GRAMD1B: variants seen among roughly 807,000 people sequenced by gnomAD.
The protein encoded by GRAMD1B is GRAM domain containing 1B, also known as protein Aster-B.
Under a neutral mutation model 99.7 loss-of-function variants are expected in GRAMD1B, and 37 were observed. The ratio of observed to expected loss-of-function variants is 0.37; its 90% CI spans 0.29 to 0.49. The LOEUF is 0.49. Ranked by LOEUF, GRAMD1B falls within the 20% of genes least tolerant of loss-of-function variation. GRAMD1B has a pLI of 0.98. For missense variants in GRAMD1B, 888 were observed against 1,009.2 expected, an observed-to-expected ratio of 0.88 and a Z score of 1.63; for synonymous variants, 427 against 387.6, an observed-to-expected ratio of 1.10 and a Z score of -1.19.
At chr11:123,441,779 G>C (rs559528956) in intron 1 of GRAMD1B, among the ~76,000 whole-genome samples, 21 of 151,340 alleles carry the variant, frequency 1.4e-4, no homozygotes, top group Admixed American at 9.2e-4. Context: ...CTGGGCAACA[G>C]AGTGAGACCC....
chr11:123,532,721 G>A (rs552856562), intron 2 of GRAMD1B, among the ~76,000 whole-genome samples: 110 of 152,252 alleles, frequency 7.2e-4, no homozygotes, highest in African/African-American at 2.5e-3. Flanking sequence ...TTTTTAAATG[G>A]TTGAAGAAAT....
chr11:123,551,252 C>T (rs939592962), intron 2 of GRAMD1B, among the ~76,000 whole-genome samples: 9 of 152,198 alleles, frequency 5.9e-5, no homozygotes, highest in African/African-American at 1.9e-4. Context: ...TTTTTTTGGG[C>T]GAGGCTGCTT....
intron 2 of GRAMD1B, among the ~76,000 whole-genome samples, chr11:123,521,909 C>T (rs539333967): frequency 2.6e-5 from 4 of 152,268 alleles, no homozygotes; most frequent in African/African-American, 7.2e-5. Context: ...AAATTTTTGA[C>T]GTTTAAATAT....
chr11:123,570,688 T>C (rs1477393707), intron 2 of GRAMD1B, among the ~76,000 whole-genome samples: 1 of 152,146 alleles, frequency 6.6e-6, no homozygotes, highest in African/African-American at 2.4e-5. Context: ...CCTCCCAAAA[T>C]TCTGGGATTA....
intron 2 of GRAMD1B, among the ~76,000 whole-genome samples, chr11:123,518,712 T>TGG (rs1238594477): frequency 1.3e-5 from 2 of 152,172 alleles, no homozygotes; most frequent in Non-Finnish European, 2.9e-5. Context: ...TAAGAATCAC[T>TGG]GGGCATGAGG....
chr11:123,380,253 A>T (rs1946828145), intron 1 of GRAMD1B, among the ~76,000 whole-genome samples: 1 of 152,190 alleles, frequency 6.6e-6, no homozygotes, highest in Admixed American at 6.5e-5. Context: ...TGCCTAATCC[A>T]AGGTTACAAA....
rs563243281 is a variant in GRAMD1B, at chr11:123,595,418, C to T, written c.874-524C>T. ...AAGCGATTCTCCTGCCTCAGCCTCC[C>T]GAGTAGCTGGGATTACAGGCATGCG... On this transcript the variant is annotated intron_variant, in intron 6 of 19. Coordinates refer to ENST00000635736, the MANE Select transcript of GRAMD1B (RefSeq NM_001387025.1). Among the ~76,000 whole-genome samples the T allele has an allele frequency of 2.0e-4, 30 of 152,142 alleles. No homozygotes were observed. In the East Asian group the frequency reaches 4.6e-3, roughly 23 times the overall value.
chr11:123,379,190 A>T lies in GRAMD1B; in HGVS notation c.-176+20391A>T, dbSNP rs533269762. ...CATAGGTTAGAAGGGAGAGAAGAAA[A>T]GAACCACAGATTCACAGTCTCTCTG... On this transcript the variant is annotated intron_variant, in intron 1 of 20. Transcript: ENST00000638157. Among the ~76,000 whole-genome samples, 12 of 152,352 alleles carry T rather than the reference A, an allele frequency of 7.9e-5. No homozygotes were observed. In the South Asian group the frequency reaches 2.3e-3, roughly 29 times the overall value.
intron 1 of GRAMD1B, chr11:123,435,726 T>A: frequency 2.7e-6 from 1 of 376,206 alleles, no homozygotes; most frequent in Non-Finnish European, 4.8e-6. Flanking sequence ...TAAAGTGAAA[T>A]TCTTTTATTC....
intron 2 of GRAMD1B, among the ~76,000 whole-genome samples, chr11:123,522,950 A>G (rs756177635): frequency 6.6e-6 from 1 of 152,246 alleles, no homozygotes; most frequent in Admixed American, 6.5e-5. Context: ...TACATAGTGA[A>G]TAAGAGAATA....
At chr11:123,556,222 G>A (rs954913949) in intron 2 of GRAMD1B, among the ~76,000 whole-genome samples, 12 of 152,152 alleles carry the variant, frequency 7.9e-5, no homozygotes, top group African/African-American at 2.9e-4. Flanking sequence ...AATGAGATTC[G>A]CTTTTGCCTA....
intron 1 of GRAMD1B, among the ~76,000 whole-genome samples, chr11:123,479,622 T>A (rs1427356278): frequency 6.6e-6 from 1 of 152,174 alleles, no homozygotes; most frequent in Admixed American, 6.5e-5. Context: ...AGAACCTATG[T>A]AAAACAGGGG....
chr11:123,590,034 T>C (rs1044275669), intron 4 of GRAMD1B, among the ~76,000 whole-genome samples: 9 of 152,208 alleles, frequency 5.9e-5, no homozygotes, highest in African/African-American at 2.2e-4. Flanking sequence ...GAGGCTTTCT[T>C]GCCCCATTGG....
At chr11:123,621,035 T>A (rs1955067514) in intron 19 of GRAMD1B, among the ~76,000 whole-genome samples, 1 of 152,206 alleles carries the variant, frequency 6.6e-6, no homozygotes, top group Non-Finnish European at 1.5e-5. Flanking sequence ...GGCTGTCAGA[T>A]TTATAGCCTA....
chr11:123,549,679 C>T (rs547946251), intron 2 of GRAMD1B, among the ~76,000 whole-genome samples: 18 of 152,296 alleles, frequency 1.2e-4, no homozygotes, highest in Middle Eastern at 3.4e-3. Flanking sequence ...TCCATGGTCA[C>T]GCAGCAGTGT....
Position 123,470,692 on chromosome 11 carries a change from C to T in GRAMD1B, c.375-10124C>T, listed in dbSNP as rs1194807954. On this transcript the variant is annotated intron_variant, in intron 1 of 19. Transcript: ENST00000635736. ...CAAAAAGTAAACTAGGAAGGGCTAC[C>T]ACGTTAAGTGCTGGATATTAATTAA... 2.6e-5 allele frequency among the ~76,000 whole-genome samples: 4 copies of T among 151,988 alleles called. No individual in the cohort carries two copies. The East Asian group carries it at 7.7e-4, about 29-fold the overall frequency.
At chr11:123,603,401 C>T (rs776236753) in intron 8 of GRAMD1B, 25 bp from the exon 9 acceptor site, 18 of 1,396,044 alleles carry the variant, frequency 1.3e-5, no homozygotes, top group South Asian at 2.3e-5. Flanking sequence ...GAGCAAGGCT[C>T]AGTCGTTCCT....
rs185215006 is a variant in GRAMD1B, at chr11:123,622,042, G to C, written c.2545-464G>C. Among the ~76,000 whole-genome samples the C allele has an allele frequency of 2.6e-3, 304 of 118,122 alleles. 3 individuals carry two copies. Among genetic ancestry groups the C allele is most frequent in the African/African-American group, 9.1e-3 (296 of 32,352 alleles). The allele number at this position is 118,122 out of a possible 152,430, so 77.5% of individuals were successfully genotyped here. On this transcript the variant is annotated intron_variant, in intron 19 of 19. Transcript: ENST00000635736. ...CTCTGTCTCTCTCTCTTTTTAAAAGGCAGGGTCTTGCTCTGTTGCCCAGGC... is the reference window on the plus strand; with the variant it reads ...CTCTGTCTCTCTCTCTTTTTAAAAGCCAGGGTCTTGCTCTGTTGCCCAGGC...
chr11:123,398,303 T>TGCTG (rs1391052113), intron 1 of GRAMD1B, among the ~76,000 whole-genome samples: 1 of 152,232 alleles, frequency 6.6e-6, no homozygotes, highest in African/African-American at 2.4e-5. Flanking sequence ...AGGGCCTTCT[T>TGCTG]GCTGTGTCAT....
Sources: gnomAD v4.1 joint callset for allele counts (sites outside exome capture counted in the v4.1 genomes callset) on GRCh38, gnomAD v4.1.1 for gene constraint, MANE v1.5 for transcripts, NCBI Gene and HGNC (gene_info 2026-07-23, HGNC 2026-07-21) for gene names.